SENP7: variants seen among roughly 807,000 people sequenced by gnomAD.
SENP7 encodes SUMO specific peptidase 7, also known as sentrin-specific protease 7.
In SENP7, 64 loss-of-function variants were observed where a neutral mutation model predicts 141.2. That is an observed-to-expected ratio of 0.45 (90% CI 0.37 to 0.56). SENP7 has a LOEUF of 0.56. Ranked by LOEUF, SENP7 falls within the 20% of genes least tolerant of loss-of-function variation. The pLI is 0.00. For synonymous variants in SENP7, 382 were observed against 426.4 expected (o/e 0.90, Z 1.28); for missense variants, 1,025 against 1,212.2 (o/e 0.85, Z 2.29).
At chr3:101,485,288 G>A (rs2064679115) in intron 3 of SENP7, among the ~76,000 whole-genome samples, 1 of 151,938 alleles carries the variant, frequency 6.6e-6, no homozygotes, top group Admixed American at 6.6e-5. Flanking sequence ...TCACCTCCTG[G>A]CAGGAGGTCA....
chr3:101,489,158 T>TAAACAAGA (rs770667669), intron 3 of SENP7, among the ~76,000 whole-genome samples: 28 of 152,102 alleles, frequency 1.8e-4, no homozygotes, highest in Non-Finnish European at 3.7e-4. Context: ...AAGAGGTCCT[T>TAAACAAGA]AAGGGAGTAC....
At chr3:101,396,577 G>T (rs538545021) in intron 6 of SENP7, among the ~76,000 whole-genome samples, 1 of 151,888 alleles carries the variant, frequency 6.6e-6, no homozygotes, top group South Asian at 2.1e-4. Flanking sequence ...AGATTTAAAA[G>T]AAAAGAAAAA....
At chr3:101,384,680 C>T (rs1033314989) in intron 6 of SENP7, among the ~76,000 whole-genome samples, 10 of 152,218 alleles carry the variant, frequency 6.6e-5, no homozygotes, top group African/African-American at 1.7e-4. Flanking sequence ...CCTGGCTCGC[C>T]GTTGGCAGGT....
chr3:101,372,849 CAA>C (rs887670923), intron 6 of SENP7, among the ~76,000 whole-genome samples: 1 of 151,760 alleles, frequency 6.6e-6, no homozygotes, highest in Non-Finnish European at 1.5e-5. Flanking sequence ...TCTTTAAAAA[CAA>C]ATTTAAATCT....
At chr3:101,500,974 G>A (rs7619540) in intron 2 of SENP7, 96 bp downstream of exon 2, 343,280 of 863,582 alleles carry the variant, frequency 0.4, 70,671 homozygotes, top group Admixed American at 0.57. Context: ...GTTTTATACT[G>A]TTTTCTTTAA....
intron 6 of SENP7, among the ~76,000 whole-genome samples, chr3:101,394,516 A>ATTT (rs199987414): frequency 7.2e-6 from 1 of 138,422 alleles, no homozygotes; most frequent in Non-Finnish European, 1.6e-5. Flanking sequence ...CTTTTTAAAA[A>ATTT]TTTTTTTTTT....
At chr3:101,482,072 A>G (rs1384698403) in intron 3 of SENP7, among the ~76,000 whole-genome samples, 1 of 152,130 alleles carries the variant, frequency 6.6e-6, no homozygotes, top group African/African-American at 2.4e-5. Context: ...GCACTTTGGG[A>G]TACCGAGGTG....
chr3:101,411,050 C>T (rs953571036), intron 5 of SENP7, among the ~76,000 whole-genome samples: 4 of 151,884 alleles, frequency 2.6e-5, no homozygotes, highest in Non-Finnish European at 4.4e-5. Flanking sequence ...CTTATTTTAC[C>T]ACCTTATAAC....
chr3:101,504,268 AT>A (rs2065501910), intron 1 of SENP7, among the ~76,000 whole-genome samples: 1 of 150,766 alleles, frequency 6.6e-6, no homozygotes, highest in Non-Finnish European at 1.5e-5. Context: ...CCTGGTCAAC[AT>A]GGGGAAACCC....
At chr3:101,495,757 A>C (rs965125144) in intron 2 of SENP7, among the ~76,000 whole-genome samples, 11 of 152,178 alleles carry the variant, frequency 7.2e-5, no homozygotes, top group Admixed American at 3.3e-4. Context: ...AGACCGGTAG[A>C]GGGAGCATCA....
intron 4 of SENP7, among the ~76,000 whole-genome samples, chr3:101,457,895 A>T (rs1206794099): frequency 6.6e-6 from 1 of 152,242 alleles, no homozygotes; most frequent in Admixed American, 6.5e-5. Context: ...TATGTCTCCC[A>T]TAAGATAAAA....
intron 1 of SENP7, among the ~76,000 whole-genome samples, chr3:101,501,720 C>T (rs1338347386): frequency 6.6e-6 from 1 of 151,942 alleles, no homozygotes; most frequent in Non-Finnish European, 1.5e-5. Flanking sequence ...GCAATGAGTA[C>T]AGTATAGTGG....
chr3:101,471,000 G>T (rs1469785200), intron 3 of SENP7, among the ~76,000 whole-genome samples: 2 of 152,186 alleles, frequency 1.3e-5, no homozygotes, highest in Non-Finnish European at 2.9e-5. Context: ...TGAAATAAAA[G>T]AGGACACAAA....
intron 5 of SENP7, among the ~76,000 whole-genome samples, chr3:101,401,753 T>C (rs558104569): frequency 6.6e-6 from 1 of 152,034 alleles, no homozygotes; most frequent in South Asian, 2.1e-4. Flanking sequence ...AGAAGAAAAG[T>C]TGGTTTACAA....
intron 3 of SENP7, among the ~76,000 whole-genome samples, chr3:101,477,340 G>A (rs553017038): frequency 6.6e-6 from 1 of 152,206 alleles, no homozygotes; most frequent in East Asian, 1.9e-4. Context: ...GCTTCTGAAT[G>A]ACCAGAGTCA....
intron 7 of SENP7, 116 bp from the exon 8 acceptor site, chr3:101,368,127 C>T: frequency 1.4e-6 from 1 of 713,012 alleles, no homozygotes; most frequent in Non-Finnish European, 2.3e-6. Flanking sequence ...CTCATTAAAA[C>T]AGAAATGTAC....
intron 6 of SENP7, among the ~76,000 whole-genome samples, chr3:101,372,786 G>A (rs973514965): frequency 4.0e-5 from 6 of 151,884 alleles, no homozygotes; most frequent in African/African-American, 1.4e-4. Context: ...AAGAGGGAGA[G>A]TATTAGAATC....
chr3:101,462,526 A>G (rs948563934), intron 3 of SENP7, among the ~76,000 whole-genome samples: 1 of 149,286 alleles, frequency 6.7e-6, no homozygotes, highest in Non-Finnish European at 1.5e-5. Context: ...GGGCAACAAG[A>G]GTGAAACTCT....
intron 6 of SENP7, among the ~76,000 whole-genome samples, chr3:101,376,193 G>C (rs2060323877): frequency 6.6e-6 from 1 of 152,140 alleles, no homozygotes; most frequent in South Asian, 2.1e-4. Context: ...CCAGGGACTG[G>C]AAGAAGGGAA....
Sources: gnomAD v4.1 joint callset for allele counts (sites outside exome capture counted in the v4.1 genomes callset) on GRCh38, gnomAD v4.1.1 for gene constraint, MANE v1.5 for transcripts, NCBI Gene and HGNC (gene_info 2026-07-23, HGNC 2026-07-21) for gene names.